TXNDC8: variants seen among roughly 807,000 people sequenced by gnomAD.
TXNDC8 encodes thioredoxin domain containing 8, also known as thioredoxin domain-containing protein 8.
A neutral mutation model predicts 12.9 loss-of-function variants in TXNDC8; 15 were observed. That is an observed-to-expected ratio of 1.16 (90% confidence interval 0.78 to 1.79). The LOEUF is 1.79. Ranked by LOEUF, TXNDC8 falls within the 40% of genes most tolerant of loss-of-function variation. The probability of loss-of-function intolerance (pLI) is 0.00; values close to 1 mark genes in which losing one functional copy is unlikely to be tolerated. For synonymous variants in TXNDC8, 40 were observed against 35.4 expected (o/e 1.13, Z -0.46); for missense variants, 128 against 113.2 (o/e 1.13, Z -0.59).
At chr9:110,333,453 A>G (rs1839621076) in intron 2 of TXNDC8, among the ~76,000 whole-genome samples, 1 of 152,168 alleles carries the variant, frequency 6.6e-6, no homozygotes, top group East Asian at 1.9e-4. Context: ...GTCTTCCACA[A>G]AACTGGTCCT....
At position 110,329,354 on chromosome 9, in the gene TXNDC8, AGT is replaced by A. The variant is rs1405247934; in HGVS notation, c.130-3116_130-3115del. On this transcript the variant is annotated intron_variant, in intron 2 of 4. Coordinates refer to ENST00000423740, the MANE Select transcript of TXNDC8 (RefSeq NM_001286946.2). ...TGTTAATATTAAAATACACACTGGA[AGT>A]GTCTTTTCAGTAGAAAAGAAAATTG... 5.2e-6 allele frequency: 7 copies of A among 1,341,738 alleles called. No homozygotes were observed. In the African/African-American group the frequency reaches 7.4e-5, roughly 14 times the overall value. The allele number at this position is 1,341,738 out of a possible 1,614,324, so 83.1% of individuals were successfully genotyped here.
chr9:110,337,352 C>A (rs1000297334), intron 1 of TXNDC8, among the ~76,000 whole-genome samples: 1 of 152,232 alleles, frequency 6.6e-6, no homozygotes, highest in Non-Finnish European at 1.5e-5. Context: ...CAACATTGGG[C>A]TGTTCCCAAT....
At chr9:110,329,197 T>A in intron 2 of TXNDC8, 35 bp downstream of exon 3, 8 of 1,582,612 alleles carry the variant, frequency 5.1e-6, no homozygotes, top group Non-Finnish European at 6.9e-6. Flanking sequence ...GCCTTTGGAT[T>A]TTGAGTATGT....
chr9:110,326,161 C>T lies in TXNDC8; in HGVS notation c.195+14G>A. On this transcript the variant is annotated intron_variant, in intron 3 of 4. Coordinates refer to ENST00000423740, the MANE Select transcript of TXNDC8 (RefSeq NM_001286946.2). Reference sequence around the variant, plus strand: ...TAATCTAATTCAACCCTGCTGGTTACCCTGGAAACATACCTTCTGGCTTTT... The same window carrying T: ...TAATCTAATTCAACCCTGCTGGTTATCCTGGAAACATACCTTCTGGCTTTT... The T allele has an allele frequency of 6.2e-7, 1 of 1,613,940 alleles. No homozygotes were observed. Among genetic ancestry groups the T allele is most frequent in the Admixed American group, 1.7e-5 (1 of 60,028 alleles).
chr9:110,304,559 T>A, intron 3 of TXNDC8, 27 bp from the exon 5 acceptor site: 1 of 1,586,300 alleles, frequency 6.3e-7, no homozygotes, highest in Non-Finnish European at 8.6e-7. Context: ...AATTTCATAA[T>A]TTATCTGAGT....
intron 2 of TXNDC8, among the ~76,000 whole-genome samples, chr9:110,329,795 CT>C (rs1453013196): frequency 6.6e-6 from 1 of 152,110 alleles, no homozygotes; most frequent in African/African-American, 2.4e-5. Context: ...GACCATTAGC[CT>C]AATTTATTTG....
In TXNDC8 at chr9:110,304,498, C is replaced by T. The variant is rs150365643; in HGVS notation, c.230G>A (p.Cys77Tyr). ...GCTCATGAATCCACTTCTATAACAG[C>T]AAATTATTCTTTTGATTCTTGAGAA... Residue 77 changes from cysteine (C) to tyrosine (Y), a missense_variant, in exon 4 of 5, where the codon TGC becomes TAC. Coordinates refer to ENST00000423740, the MANE Select transcript of TXNDC8 (RefSeq NM_001286946.2). The T allele has an allele frequency of 3.7e-6, 6 of 1,610,010 alleles. No individual in the cohort carries two copies. The African/African-American group carries it at 8.0e-5, about 22-fold the overall frequency.
rs977088860 is a variant in TXNDC8 at position 110,304,456 on chromosome 9, A to G, written c.261+11T>C. On this transcript the variant is annotated intron_variant, in intron 4 of 4. Transcript: ENST00000423740. ...AGATTTCTAACTCTAACTTGATCCC[A>G]TTTCACTTACCAGGTTGCTCATGAA... is the stretch of plus-strand genomic sequence containing the variant. The G allele has an allele frequency of 6.2e-7, 1 of 1,608,058 alleles. No individual in the cohort carries two copies. Among genetic ancestry groups the G allele is most frequent in the Non-Finnish European group, 8.5e-7 (1 of 1,176,196 alleles).
At chr9:110,316,154 G>T (rs1034692957) in intron 3 of TXNDC8, among the ~76,000 whole-genome samples, 1 of 148,654 alleles carries the variant, frequency 6.7e-6, no homozygotes, top group Non-Finnish European at 1.5e-5. Flanking sequence ...GCCTCAAAGT[G>T]ATCTGCCTGC....
At chr9:110,334,151 G>A in intron 2 of TXNDC8, 65 bp downstream of exon 2, 1 of 1,396,996 alleles carries the variant, frequency 7.2e-7, no homozygotes, top group African/African-American at 1.5e-5. Context: ...AAGAATTACT[G>A]GGAAAAATAT....
At chr9:110,303,726 C>T (rs370598186) in intron 4 of TXNDC8, 143 bp from the exon 6 acceptor site, 2 of 1,534,764 alleles carry the variant, frequency 1.3e-6, no homozygotes, top group Non-Finnish European at 1.8e-6. Context: ...TATAAATATA[C>T]ATTAAACACA....
At chr9:110,304,787 C>T (rs1475540859) in intron 3 of TXNDC8, among the ~76,000 whole-genome samples, 3 of 152,166 alleles carry the variant, frequency 2.0e-5, no homozygotes, top group Non-Finnish European at 4.4e-5. Flanking sequence ...ATAGGCAAGG[C>T]TTGGCTACCT....
At chr9:110,313,417 T>G (rs1172492076) in intron 3 of TXNDC8, among the ~76,000 whole-genome samples, 6 of 152,006 alleles carry the variant, frequency 3.9e-5, no homozygotes, top group African/African-American at 1.4e-4. Flanking sequence ...TAATATGACT[T>G]AGGCTGGACA....
chr9:110,309,801 C>G (rs927958428), intron 3 of TXNDC8, among the ~76,000 whole-genome samples: 2 of 151,814 alleles, frequency 1.3e-5, no homozygotes, highest in African/African-American at 4.8e-5. Context: ...AAGCAGCACA[C>G]ATCAATTCAT....
At chr9:110,302,889 C>G (rs557725523), downstream of TXNDC8, among the ~76,000 whole-genome samples, 1 of 152,080 alleles carries the variant, frequency 6.6e-6, no homozygotes, top group East Asian at 1.9e-4. Flanking sequence ...CATAGTGAAC[C>G]CCTGTTTCTA....
rs907875564 is a variant in TXNDC8 at position 110,303,648 on chromosome 9, T to A, written c.*34A>T. On this transcript the variant is annotated 3_prime_UTR_variant, in exon 5 of 5. Transcript: ENST00000423740. ...AAGTGCTGCGAAAATGTTGAGGCTTTAAGGAATTTTATTCCTGATTGAAAA... is the reference window on the plus strand; with the variant it reads ...AAGTGCTGCGAAAATGTTGAGGCTTAAAGGAATTTTATTCCTGATTGAAAA... 4 of 1,596,422 alleles carry A rather than the reference T, an allele frequency of 2.5e-6. No homozygotes were observed. Among genetic ancestry groups the A allele is most frequent in the Non-Finnish European group, 3.4e-6 (4 of 1,169,358 alleles).
chr9:110,316,734 A>T (rs1246805274), intron 3 of TXNDC8, among the ~76,000 whole-genome samples: 2 of 152,248 alleles, frequency 1.3e-5, no homozygotes, highest in African/African-American at 4.8e-5. Flanking sequence ...CTCTACTTAC[A>T]GATCTGATTC....
intron 3 of TXNDC8, chr9:110,323,142 G>A (rs1440613465): frequency 2.3e-5 from 23 of 985,152 alleles, no homozygotes; most frequent in Non-Finnish European, 2.7e-5. Context: ...ACAGAGATAT[G>A]GTGCTAAGTT....
At chr9:110,336,724 A>G (rs1288146114) in intron 1 of TXNDC8, among the ~76,000 whole-genome samples, 1 of 152,192 alleles carries the variant, frequency 6.6e-6, no homozygotes, top group Non-Finnish European at 1.5e-5. Flanking sequence ...TCAATAGGTA[A>G]TATTTGTAGT....
Sources: allele counts gnomAD v4.1 joint callset (sites outside exome capture counted in the v4.1 genomes callset), GRCh38; gene constraint gnomAD v4.1.1; transcripts MANE v1.5; gene names NCBI Gene and HGNC (gene_info 2026-07-23, HGNC 2026-07-21).